IL34: variants seen among roughly 807,000 people sequenced by gnomAD.
IL34 encodes the protein interleukin-34.
Under a neutral mutation model 25.3 loss-of-function variants are expected in IL34, and 17 were observed. The ratio of observed to expected loss-of-function variants is 0.67; its 90% confidence interval spans 0.46 to 1.01. IL34 has a LOEUF of 1.01. IL34 is among the 50% of genes least tolerant of loss of function. The pLI is 0.00. For synonymous variants in IL34, 174 were observed against 140.9 expected (o/e 1.23, Z -1.66); for missense variants, 368 against 312.9 (o/e 1.18, Z -1.33).
intron 1 of IL34, among the ~76,000 whole-genome samples, chr16:70,616,141 G>A (rs1023959919): frequency 6.6e-6 from 1 of 152,144 alleles, no homozygotes; most frequent in Non-Finnish European, 1.5e-5. Flanking sequence ...TATCACAGAC[G>A]CTGATGAGAT....
At chr16:70,632,706 G>T (rs915893279) in intron 1 of IL34, among the ~76,000 whole-genome samples, 2 of 152,134 alleles carry the variant, frequency 1.3e-5, no homozygotes, top group Non-Finnish European at 2.9e-5. Flanking sequence ...TGGGCAGAAG[G>T]GACAGTTTTT....
chr16:70,632,406 C>T (rs1249408178), intron 1 of IL34, among the ~76,000 whole-genome samples: 1 of 152,192 alleles, frequency 6.6e-6, no homozygotes, highest in East Asian at 1.9e-4. Flanking sequence ...AAAACAAAAT[C>T]TCCTTTTGTA....
At chr16:70,643,193 G>T (rs1407914472), upstream of IL34, among the ~76,000 whole-genome samples, 12 of 152,080 alleles carry the variant, frequency 7.9e-5, no homozygotes, top group Admixed American at 7.2e-4. Flanking sequence ...CTCCTGAGTA[G>T]CTGGGATTAC....
chr16:70,626,314 C>T (rs1382064114), intron 1 of IL34, among the ~76,000 whole-genome samples: 1 of 152,048 alleles, frequency 6.6e-6, no homozygotes, highest in Non-Finnish European at 1.5e-5. Context: ...ATTTATCAGT[C>T]TTTTATGGTT....
intron 1 of IL34, among the ~76,000 whole-genome samples, chr16:70,609,993 C>G (rs756910765): frequency 1.1e-4 from 16 of 152,138 alleles, no homozygotes; most frequent in Non-Finnish European, 2.4e-4. Flanking sequence ...CACCTGAGGT[C>G]TGGAGTTTGA....
intron 1 of IL34, among the ~76,000 whole-genome samples, chr16:70,608,197 C>T (rs1443358795): frequency 4.1e-5 from 6 of 146,612 alleles, no homozygotes; most frequent in Non-Finnish European, 7.4e-5. Context: ...GGTGTGCTCT[C>T]GGCTCACTGC....
At chr16:70,584,553 A>G (rs935894834) in intron 1 of IL34, among the ~76,000 whole-genome samples, 1 of 152,198 alleles carries the variant, frequency 6.6e-6, no homozygotes, top group Non-Finnish European at 1.5e-5. Flanking sequence ...CTTTCCCAGC[A>G]TGAGAAAGTC....
In IL34 at chr16:70,622,524, G is replaced by A. The variant is rs574528094; in HGVS notation, c.-400-24024G>A. Reference sequence around the variant, plus strand: ...TAGCCTGCCTTTGCTGGTGTGTGGCGATTAGGCCTGGTGGAACTGCCATCA... The same window carrying A: ...TAGCCTGCCTTTGCTGGTGTGTGGCAATTAGGCCTGGTGGAACTGCCATCA... On this transcript the variant is annotated intron_variant, in intron 1 of 6. Coordinates refer to the IL34 transcript ENST00000429149. Among the ~76,000 whole-genome samples, 370 of 152,094 alleles carry A rather than the reference G, an allele frequency of 2.4e-3. 4 individuals carry two copies. The highest frequency in any genetic ancestry group is 8.3e-3 in the African/African-American group (343 of 41,522).
intron 1 of IL34, among the ~76,000 whole-genome samples, chr16:70,595,065 C>CT (rs1443744435): frequency 2.0e-5 from 3 of 151,826 alleles, no homozygotes; most frequent in African/African-American, 7.3e-5. Flanking sequence ...AGCAATTCTC[C>CT]TGCCTCAGGC....
At chr16:70,641,424 A>G (rs1163821899) in intron 1 of IL34, among the ~76,000 whole-genome samples, 2 of 152,204 alleles carry the variant, frequency 1.3e-5, no homozygotes, top group African/African-American at 4.8e-5. Flanking sequence ...TTCACTGTCC[A>G]TCAATTACAC....
intron 1 of IL34, among the ~76,000 whole-genome samples, chr16:70,640,144 T>A (rs947214102): frequency 3.3e-5 from 5 of 152,164 alleles, no homozygotes; most frequent in African/African-American, 1.2e-4. Context: ...TGTTTTGTTT[T>A]CTTTTGTTTT....
intron 1 of IL34, among the ~76,000 whole-genome samples, chr16:70,584,837 A>C (rs922352973): frequency 2.2e-4 from 33 of 151,886 alleles, no homozygotes; most frequent in African/African-American, 7.7e-4. Context: ...AGTGGCTGGG[A>C]TTACAGGCTC....
In IL34 at chr16:70,657,026, G is replaced by A; in HGVS notation, c.307G>A (p.Glu103Lys). 6.2e-7 allele frequency: 1 copy of A among 1,612,678 alleles called. No homozygotes were observed. Among genetic ancestry groups the A allele is most frequent in the Non-Finnish European group, 8.5e-7 (1 of 1,180,006 alleles). ...GGTCTTGGTGAGCCTCAGTGCCACT[G>A]AGTCGGTGCAGGACGTGCTGCTCGA... is the stretch of plus-strand genomic sequence containing the variant. ...LWVLVSLSATESVQDVLLEGH... is the reference protein window; with the variant it reads ...LWVLVSLSATKSVQDVLLEGH... The change falls in exon 4 of 6, where the codon GAG becomes AAG. Residue 103 changes from glutamate to lysine, a missense_variant. Physicochemically the swap from Glu to Lys is moderately conservative, Grantham distance 56 (BLOSUM62 1). Transcript: ENST00000288098.
At chr16:70,630,475 G>T (rs887283604) in intron 1 of IL34, among the ~76,000 whole-genome samples, 3 of 151,750 alleles carry the variant, frequency 2.0e-5, no homozygotes, top group African/African-American at 7.3e-5. Flanking sequence ...CAGGTGATCT[G>T]CCAGCGTCGG....
chr16:70,628,489 ATTTATTTT>A (rs1044489042), intron 1 of IL34, among the ~76,000 whole-genome samples: 5 of 149,686 alleles, frequency 3.3e-5, no homozygotes, highest in African/African-American at 1.2e-4. Flanking sequence ...TTATTTATTT[ATTTATTTT>A]TTTTTTTGAG....
At chr16:70,580,110 CT>C (rs1597729968) in intron 1 of IL34, 1 of 152,566 alleles carries the variant, frequency 6.6e-6, no homozygotes, top group Non-Finnish European at 1.5e-5. Flanking sequence ...GACGGCCTGG[CT>C]TCCCCACCCC....
intron 1 of IL34, among the ~76,000 whole-genome samples, chr16:70,583,762 A>G (rs1225278145): frequency 1.3e-5 from 2 of 150,152 alleles, no homozygotes; most frequent in African/African-American, 4.9e-5. Context: ...AATGATTTTC[A>G]TGCCTCAGCC....
chr16:70,614,898 C>G (rs1013157635), intron 1 of IL34, among the ~76,000 whole-genome samples: 1 of 152,218 alleles, frequency 6.6e-6, no homozygotes, highest in African/African-American at 2.4e-5. Flanking sequence ...ACTGCAACTC[C>G]TCTGTTTTAC....
At chr16:70,608,964 A>G (rs1470661160) in intron 1 of IL34, among the ~76,000 whole-genome samples, 3 of 152,222 alleles carry the variant, frequency 2.0e-5, no homozygotes, top group South Asian at 2.1e-4. Context: ...GGGGGTAATC[A>G]TGCCTTCCTT....
Sources: allele counts gnomAD v4.1 joint callset (sites outside exome capture counted in the v4.1 genomes callset), GRCh38; gene constraint gnomAD v4.1.1; transcripts MANE v1.5; gene names NCBI Gene and HGNC (gene_info 2026-07-23, HGNC 2026-07-21).